ENTREP2: variants seen among roughly 807,000 people sequenced by gnomAD.
ENTREP2 encodes the protein endosomal transmembrane epsin interactor 2, also known as protein ENTREP2.
At chr15:29,671,977 CA>C in the ENTREP2 span, among the ~76,000 whole-genome samples, 1 of 152,146 alleles carries the variant, frequency 6.6e-6, no homozygotes, top group Non-Finnish European at 1.5e-5. Context: ...CGGTTTACTG[CA>C]GGGATTCTTT....
At chr15:29,532,696 T>G in the ENTREP2 span, among the ~76,000 whole-genome samples, 2 of 152,236 alleles carry the variant, frequency 1.3e-5, no homozygotes, top group African/African-American at 2.4e-5. Context: ...TTTCTGTATA[T>G]GCTATACTAG....
the ENTREP2 span, among the ~76,000 whole-genome samples, chr15:29,486,049 T>C: frequency 1.3e-5 from 2 of 152,198 alleles, no homozygotes; most frequent in Non-Finnish European, 2.9e-5. Context: ...GTTGAAGAGA[T>C]ATCCATACTC....
the ENTREP2 span, among the ~76,000 whole-genome samples, chr15:29,635,837 C>A: frequency 1.3e-5 from 2 of 152,206 alleles, no homozygotes; most frequent in Admixed American, 1.3e-4. Flanking sequence ...GCCTCCACTG[C>A]TGAGGCAAGG....
chr15:29,270,947 A>G, the ENTREP2 span, among the ~76,000 whole-genome samples: 1 of 152,256 alleles, frequency 6.6e-6, no homozygotes, highest in Admixed American at 6.5e-5. Flanking sequence ...TTCAAAGGAA[A>G]GCAATTTAGA....
the ENTREP2 span, among the ~76,000 whole-genome samples, chr15:29,514,523 G>A: frequency 3.3e-5 from 5 of 152,200 alleles, no homozygotes; most frequent in Non-Finnish European, 5.9e-5. Context: ...GAACATAGGT[G>A]TGCAAACATC....
chr15:29,541,202 A>T, the ENTREP2 span, among the ~76,000 whole-genome samples: 4 of 152,056 alleles, frequency 2.6e-5, no homozygotes, highest in South Asian at 8.3e-4. Flanking sequence ...GCTGAGAAAG[A>T]CTCACCAGAC....
chr15:29,299,511 T>C, the ENTREP2 span, among the ~76,000 whole-genome samples: 1 of 152,116 alleles, frequency 6.6e-6, no homozygotes, highest in Admixed American at 6.5e-5. Context: ...CCTTACTTGC[T>C]CTTCCTTCTG....
chr15:29,123,769 G>A, the ENTREP2 span: 1 of 1,092,118 alleles, frequency 9.2e-7, no homozygotes, highest in Non-Finnish European at 1.3e-6. Flanking sequence ...TGTGTTCCTG[G>A]GGCTGGCGCT....
chr15:29,334,286 G>A, the ENTREP2 span, among the ~76,000 whole-genome samples: 1 of 152,152 alleles, frequency 6.6e-6, no homozygotes, highest in East Asian at 1.9e-4. Flanking sequence ...CAAGGTCCCT[G>A]TGCCTGACTC....
the ENTREP2 span, among the ~76,000 whole-genome samples, chr15:29,546,160 A>G: frequency 6.6e-6 from 1 of 152,334 alleles, no homozygotes; most frequent in Admixed American, 6.5e-5. Flanking sequence ...CAAAATAGAA[A>G]GCCTGAAATG....
chr15:29,423,996 T>G, the ENTREP2 span, among the ~76,000 whole-genome samples: 12 of 152,202 alleles, frequency 7.9e-5, no homozygotes, highest in Non-Finnish European at 1.5e-4. Flanking sequence ...ACTTCAGGAA[T>G]GAAGGCGTGG....
the ENTREP2 span, among the ~76,000 whole-genome samples, chr15:29,404,589 G>C: frequency 3.3e-5 from 5 of 151,542 alleles, no homozygotes; most frequent in African/African-American, 1.2e-4. Flanking sequence ...CCAGCTGCTC[G>C]TTAGTAAGGG....
At chr15:29,558,437 C>A in the ENTREP2 span, among the ~76,000 whole-genome samples, 1 of 151,638 alleles carries the variant, frequency 6.6e-6, no homozygotes, top group Non-Finnish European at 1.5e-5. Context: ...GCCCGCAGCA[C>A]CCAGGCTCAG....
chr15:29,259,480 C>T, the ENTREP2 span, among the ~76,000 whole-genome samples: 87,352 of 151,960 alleles, frequency 0.57, 25,215 homozygotes, highest in South Asian at 0.64. Context: ...TAGTTCCAGC[C>T]GACACTTGAA....
chr15:29,466,289 C>T, the ENTREP2 span, among the ~76,000 whole-genome samples: 1 of 152,184 alleles, frequency 6.6e-6, no homozygotes, highest in Non-Finnish European at 1.5e-5. Context: ...ATGTTTCTGT[C>T]ATGGTCACTC....
chr15:29,307,310 CAAAAT>C, the ENTREP2 span, among the ~76,000 whole-genome samples: 2 of 151,606 alleles, frequency 1.3e-5, no homozygotes. Flanking sequence ...AACCTGAAGT[CAAAAT>C]AAACGTTTAA....
chr15:29,344,194 G>T, the ENTREP2 span, among the ~76,000 whole-genome samples: 4 of 152,214 alleles, frequency 2.6e-5, no homozygotes, highest in African/African-American at 9.6e-5. Flanking sequence ...TGTGGCTGGG[G>T]AGACTTTCCA....
the ENTREP2 span, among the ~76,000 whole-genome samples, chr15:29,434,949 C>A: frequency 6.6e-6 from 1 of 152,130 alleles, no homozygotes; most frequent in Non-Finnish European, 1.5e-5. Flanking sequence ...GAGTTTGTGG[C>A]TCCCAGGGAA....
chr15:29,513,939 T>C, the ENTREP2 span, among the ~76,000 whole-genome samples: 1 of 152,224 alleles, frequency 6.6e-6, no homozygotes, highest in African/African-American at 2.4e-5. Flanking sequence ...TTGCAGTGTC[T>C]ACATTCTAGA....
Sources: allele counts gnomAD v4.1 joint callset (sites outside exome capture counted in the v4.1 genomes callset), GRCh38; gene constraint gnomAD v4.1.1; transcripts MANE v1.5; gene names NCBI Gene and HGNC (gene_info 2026-07-23, HGNC 2026-07-21).